The following ITGB3 variants were observed in gnomAD, a reference collection of about 807,000 sequenced individuals.
ITGB3 encodes integrin beta-3.
In ITGB3, 48 loss-of-function variants were observed where a neutral mutation model predicts 85.8. The observed-to-expected ratio is 0.56, with a 90% confidence interval of 0.44 to 0.71. The LOEUF is 0.71. Among genes scored for constraint, ITGB3 ranks in the 30% least tolerant of loss-of-function variants. The pLI, the probability that ITGB3 is intolerant of heterozygous loss-of-function variation, is 0.00. For missense variants in ITGB3, 861 were observed against 1,019.1 expected (o/e 0.84, Z 2.11); for synonymous variants, 363 against 395.6 (o/e 0.92, Z 0.98).
chr17:47,257,332 G>A (rs958716924), intron 1 of ITGB3, among the ~76,000 whole-genome samples: 1 of 152,024 alleles, frequency 6.6e-6, no homozygotes, highest in Admixed American at 6.6e-5. Flanking sequence ...ACTCTAACCC[G>A]GCAAGAATCC....
chr17:47,268,366 G>T (rs553667825), intron 1 of ITGB3, among the ~76,000 whole-genome samples: 2 of 152,284 alleles, frequency 1.3e-5, no homozygotes, highest in Admixed American at 6.5e-5. Context: ...CAAGTCCAAA[G>T]TCTTATCTGA....
At position 47,302,920 on chromosome 17, in the gene ITGB3, G is replaced by A. The variant is rs13306489; in HGVS notation, c.2134+80G>A. The A allele has an allele frequency of 8.6e-5, 134 of 1,552,042 alleles. 1 individual carries two copies. Among genetic ancestry groups the A allele is most frequent in the Admixed American group, 6.1e-4 (35 of 57,374 alleles). On this transcript the variant is annotated intron_variant, in intron 13 of 14. Coordinates refer to ENST00000559488, the MANE Select transcript of ITGB3 (RefSeq NM_000212.3). ...TGTTAGGCAGGAATCTCTACTCATCGAAGCTGTTAAGCAAAACAGGTTAAG... is the reference window on the plus strand; with the variant it reads ...TGTTAGGCAGGAATCTCTACTCATCAAAGCTGTTAAGCAAAACAGGTTAAG...
Position 47,274,438 on chromosome 17 carries a change from G to C in ITGB3, c.99G>C (p.Thr33=). 2 of 1,613,374 alleles carry C rather than the reference G, an allele frequency of 1.2e-6. No homozygotes were observed. The highest frequency in any genetic ancestry group is 1.7e-6 in the Non-Finnish European group (2 of 1,179,964). The change falls in exon 2 of 15, where the codon ACG becomes ACC. Residue 33 remains threonine, a synonymous_variant. Transcript: ENST00000559488. ...VGVGGPNICT[T]RGVSSCQQCL... is the part of the protein sequence containing the mutation. Reference sequence around the variant, plus strand: ...TTGCAGGGCCCAACATCTGTACCACGCGAGGTGTGAGCTCCTGCCAGCAGT... The same window carrying C: ...TTGCAGGGCCCAACATCTGTACCACCCGAGGTGTGAGCTCCTGCCAGCAGT...
chr17:47,301,906 AT>A (rs2065168672), intron 12 of ITGB3, among the ~76,000 whole-genome samples: 1 of 152,148 alleles, frequency 6.6e-6, no homozygotes, highest in Non-Finnish European at 1.5e-5. Context: ...CTGTATTATA[AT>A]ACCACTGGTT....
intron 2 of ITGB3, among the ~76,000 whole-genome samples, chr17:47,278,429 A>G (rs997743766): frequency 6.6e-6 from 1 of 152,074 alleles, no homozygotes; most frequent in Non-Finnish European, 1.5e-5. Flanking sequence ...AAAAATACAA[A>G]ATTAGCTGGG....
chr17:47,265,554 C>G (rs1201937958), intron 1 of ITGB3, among the ~76,000 whole-genome samples: 1 of 152,100 alleles, frequency 6.6e-6, no homozygotes, highest in East Asian at 1.9e-4. Context: ...TGGTGTTTTC[C>G]TCTTCTCATA....
intron 13 of ITGB3, among the ~76,000 whole-genome samples, chr17:47,305,249 T>C (rs370132567): frequency 6.6e-6 from 1 of 152,220 alleles, no homozygotes; most frequent in Non-Finnish European, 1.5e-5. Flanking sequence ...TCTTGGGAAC[T>C]TGAACACTGG....
chr17:47,277,648 G>C (rs1441477803), intron 2 of ITGB3, among the ~76,000 whole-genome samples: 7 of 152,146 alleles, frequency 4.6e-5, no homozygotes, highest in Admixed American at 4.6e-4. Context: ...ATAATTTTTA[G>C]TATAAGTTTG....
chr17:47,274,279 C>A, intron 1 of ITGB3, 140 bp from the exon 2 acceptor site: 1 of 756,452 alleles, frequency 1.3e-6, no homozygotes, highest in Non-Finnish European at 2.4e-6. Flanking sequence ...ATTTGGTAGA[C>A]GTCTGTGGTA....
intron 14 of ITGB3, 94 bp downstream of exon 14, chr17:47,307,731 C>T (rs2065194592): frequency 5.8e-6 from 7 of 1,203,826 alleles, no homozygotes; most frequent in Non-Finnish European, 7.3e-6. Context: ...TCAGCCAGTA[C>T]CATCGTCTTT....
At chr17:47,259,038 C>G (rs964445135) in intron 1 of ITGB3, among the ~76,000 whole-genome samples, 1 of 152,310 alleles carries the variant, frequency 6.6e-6, no homozygotes. Flanking sequence ...TTTGGAGGTG[C>G]TCCCCAGCTT....
At chr17:47,276,680 C>T (rs1287545439) in intron 2 of ITGB3, among the ~76,000 whole-genome samples, 1 of 152,034 alleles carries the variant, frequency 6.6e-6, no homozygotes, top group Non-Finnish European at 1.5e-5. Context: ...TGGAGGACCC[C>T]AGTATGGGAC....
At chr17:47,254,179 G>C (rs1209976596) in intron 1 of ITGB3, among the ~76,000 whole-genome samples, 2 of 152,244 alleles carry the variant, frequency 1.3e-5, no homozygotes, top group African/African-American at 4.8e-5. Flanking sequence ...GAAGCCATCA[G>C]CCAGGCTGAG....
At position 47,307,532 on chromosome 17, in the gene ITGB3, C is replaced by T. The variant is rs201741054; in HGVS notation, c.2196C>T (p.Leu732=). 3.6e-4 allele frequency: 574 copies of T among 1,614,052 alleles called. No individual in the cohort carries two copies. Among genetic ancestry groups the T allele is most frequent in the Non-Finnish European group, 4.8e-4 (561 of 1,180,022 alleles). Residue 732 remains leucine (L), a synonymous_variant, in exon 14 of 15, where the codon CTC becomes CTT. Coordinates refer to ENST00000559488, the MANE Select transcript of ITGB3 (RefSeq NM_000212.3). ...TCTCAGTGATGGGGGCCATTCTGCT[C>T]ATTGGCCTTGCCGCCCTGCTCATCT... is the stretch of plus-strand genomic sequence containing the variant. ...VLLSVMGAIL[L]IGLAALLIWK...
At chr17:47,291,316 AG>A (rs560270388) in intron 9 of ITGB3, 146 of 609,198 alleles carry the variant, frequency 2.4e-4, no homozygotes, top group Non-Finnish European at 3.6e-4. Context: ...CTTCACTCTC[AG>A]GAATTTGAAA....
At chr17:47,259,792 G>A (rs1226691995) in intron 1 of ITGB3, among the ~76,000 whole-genome samples, 1 of 152,062 alleles carries the variant, frequency 6.6e-6, no homozygotes. Flanking sequence ...CCAGCTACTC[G>A]GGAGGCTGAG....
At chr17:47,275,769 T>G (rs1344887897) in intron 2 of ITGB3, among the ~76,000 whole-genome samples, 4 of 152,246 alleles carry the variant, frequency 2.6e-5, no homozygotes, top group Non-Finnish European at 4.4e-5. Flanking sequence ...GCACGGGAAC[T>G]GCTTCCAGAG....
intron 5 of ITGB3, among the ~76,000 whole-genome samples, chr17:47,286,783 A>T (rs1301029952): frequency 2.0e-5 from 3 of 152,210 alleles, no homozygotes; most frequent in African/African-American, 7.2e-5. Flanking sequence ...CAGTTTCTAG[A>T]TGAGCAATGT....
At chr17:47,271,943 C>T (rs1222601291) in intron 1 of ITGB3, among the ~76,000 whole-genome samples, 2 of 77,946 alleles carry the variant, frequency 2.6e-5, no homozygotes, top group African/African-American at 5.6e-5. Flanking sequence ...TTAATAGAGA[C>T]GGGGTTTCAC....
Sources: gnomAD v4.1 joint callset for allele counts (sites outside exome capture counted in the v4.1 genomes callset) on GRCh38, gnomAD v4.1.1 for gene constraint, MANE v1.5 for transcripts, NCBI Gene and HGNC (gene_info 2026-07-23, HGNC 2026-07-21) for gene names.